Variants in MAN2A1 observed in about 807,000 individuals in gnomAD.
MAN2A1 encodes alpha-mannosidase 2.
A neutral mutation model predicts 142.6 loss-of-function variants in MAN2A1; 76 were observed. The ratio of observed to expected loss-of-function variants is 0.53; its 90% CI spans 0.44 to 0.65. The LOEUF (loss-of-function observed/expected upper bound fraction) is 0.65. Ranked by LOEUF, MAN2A1 falls within the 30% of genes least tolerant of loss-of-function variation. MAN2A1 has a pLI of 0.00. For synonymous variants in MAN2A1, 559 were observed against 473.2 expected, an observed-to-expected ratio of 1.18 and a Z score of -2.35; for missense variants, 1,311 against 1,365.1, an observed-to-expected ratio of 0.96 and a Z score of 0.62.
At position 109,755,404 on chromosome 5, in the gene MAN2A1, T is replaced by G; in HGVS notation, c.783T>G (p.Phe261Leu). ...CTGATGAAGCTACTCCACATTATTT[T>G]GCCTTAATTGATCAACTAATTGAAG... is the stretch of plus-strand genomic sequence containing the variant. The part of the protein sequence containing the change: ...VMPDEATPHY[F>L]ALIDQLIEGH... The change falls in exon 5 of 22, where the codon TTT (phenylalanine) becomes TTG (leucine). Residue 261 changes from phenylalanine (F) to leucine (L), a missense_variant. Coordinates refer to ENST00000261483, the MANE Select transcript of MAN2A1 (RefSeq NM_002372.4). 1 of 1,610,662 alleles carries G rather than the reference T, an allele frequency of 6.2e-7. No individual in the cohort carries two copies. The highest frequency in any genetic ancestry group is 8.5e-7 in the Non-Finnish European group (1 of 1,176,866).
intron 5 of MAN2A1, among the ~76,000 whole-genome samples, chr5:109,755,671 GTAT>G (rs1752669780): frequency 6.6e-6 from 1 of 151,684 alleles, no homozygotes; most frequent in African/African-American, 2.4e-5. Context: ...CTTGTTTAAT[GTAT>G]TATTTATCTA....
At chr5:109,712,567 G>T (rs1751331804) in intron 1 of MAN2A1, among the ~76,000 whole-genome samples, 1 of 151,312 alleles carries the variant, frequency 6.6e-6, no homozygotes, top group African/African-American at 2.4e-5. Flanking sequence ...TTATTTCCTG[G>T]TAATGAGTAT....
Position 109,708,509 on chromosome 5 carries a change from G to GACACACACACAGACACACACACACAC in MAN2A1, c.136-5000_136-4999insGACACACACACACACACACACACACA, listed in dbSNP as rs1554072323. Among the ~76,000 whole-genome samples, 2 of 124,544 alleles carry GACACACACACAGACACACACACACAC rather than the reference G, an allele frequency of 1.6e-5. 1 individual carries two copies. The highest frequency in any genetic ancestry group is 1.6e-4 in the Admixed American group (2 of 12,482). The allele number at this position is 124,544 out of a possible 152,430, so 81.7% of individuals were successfully genotyped here. A position where few individuals can be genotyped will look rare whatever the true frequency, so the allele number is the denominator to read the frequency against. On this transcript the variant is annotated intron_variant, in intron 1 of 21. Transcript: ENST00000261483. ...TTCTCCAGAAAGACAGAACTGATAG[G>GACACACACACAGACACACACACACAC]ACACACACACACACACACACACACA...
At chr5:109,860,731 A>G (rs1300610222) in intron 20 of MAN2A1, among the ~76,000 whole-genome samples, 1 of 152,230 alleles carries the variant, frequency 6.6e-6, no homozygotes, top group Non-Finnish European at 1.5e-5. Context: ...TCATGTGTGT[A>G]TAATTTTCAG....
At chr5:109,734,007 T>A (rs1022209570) in intron 4 of MAN2A1, among the ~76,000 whole-genome samples, 8 of 152,194 alleles carry the variant, frequency 5.3e-5, no homozygotes, top group African/African-American at 1.4e-4. Context: ...TCTTTTTGGT[T>A]GGTAAGCTAT....
At chr5:109,789,693 A>G (rs1753688676) in intron 12 of MAN2A1, among the ~76,000 whole-genome samples, 166 bp downstream of exon 12, 1 of 151,846 alleles carries the variant, frequency 6.6e-6, no homozygotes, top group Admixed American at 6.6e-5. Context: ...CTCAGTGCCA[A>G]TAGCTAACAC....
At chr5:109,760,025 T>C (rs1250420918) in intron 5 of MAN2A1, among the ~76,000 whole-genome samples, 2 of 152,082 alleles carry the variant, frequency 1.3e-5, no homozygotes, top group East Asian at 3.8e-4. Context: ...CTGGGATACA[T>C]GTGCAGAACA....
At chr5:109,760,804 GC>G (rs1383260386) in intron 5 of MAN2A1, among the ~76,000 whole-genome samples, 1 of 151,658 alleles carries the variant, frequency 6.6e-6, no homozygotes, top group Non-Finnish European at 1.5e-5. Flanking sequence ...CATATCTTTC[GC>G]CCACTTTTTG....
At chr5:109,799,920 T>C (rs1483878666) in intron 12 of MAN2A1, among the ~76,000 whole-genome samples, 1 of 151,852 alleles carries the variant, frequency 6.6e-6, no homozygotes, top group African/African-American at 2.4e-5. Context: ...AAACCCTACC[T>C]CTACAGAAAA....
At chr5:109,834,935 T>C (rs1755021029) in intron 16 of MAN2A1, among the ~76,000 whole-genome samples, 2 of 152,200 alleles carry the variant, frequency 1.3e-5, no homozygotes, top group South Asian at 4.1e-4. Context: ...GTGGGAATTA[T>C]TACCATTTTT....
chr5:109,813,864 A>G (rs1454308866), intron 12 of MAN2A1, among the ~76,000 whole-genome samples: 1 of 152,234 alleles, frequency 6.6e-6, no homozygotes, highest in Non-Finnish European at 1.5e-5. Context: ...CCAGTTTGAT[A>G]GGAGCATACA....
chr5:109,795,867 A>T (rs981021505), intron 12 of MAN2A1, among the ~76,000 whole-genome samples: 13 of 151,994 alleles, frequency 8.6e-5, no homozygotes, highest in African/African-American at 3.1e-4. Flanking sequence ...TCTTCATTTA[A>T]TTGACCAAGT....
At chr5:109,709,130 A>G (rs774671666) in intron 1 of MAN2A1, among the ~76,000 whole-genome samples, 2 of 151,438 alleles carry the variant, frequency 1.3e-5, no homozygotes, top group Non-Finnish European at 2.9e-5. Flanking sequence ...TTGAACCCCA[A>G]ATTAACCATC....
chr5:109,846,317 G>A (rs917066275), intron 18 of MAN2A1, among the ~76,000 whole-genome samples: 1 of 152,154 alleles, frequency 6.6e-6, no homozygotes, highest in Non-Finnish European at 1.5e-5. Flanking sequence ...ATGATTTAAC[G>A]GATGTGGAAA....
intron 19 of MAN2A1, among the ~76,000 whole-genome samples, chr5:109,852,144 CA>C (rs35901259): frequency 0.2 from 29,216 of 143,492 alleles, 3,564 homozygotes; most frequent in East Asian, 0.63. Flanking sequence ...GGCTTAAAAA[CA>C]AAAAAAAAAA....
chr5:109,782,235 A>G (rs1753478545), intron 9 of MAN2A1, among the ~76,000 whole-genome samples: 2 of 152,218 alleles, frequency 1.3e-5, no homozygotes, highest in Admixed American at 1.3e-4. Context: ...TCTGTAGAAG[A>G]CATAAAAACA....
chr5:109,784,446 T>G (rs1020692675), intron 9 of MAN2A1, among the ~76,000 whole-genome samples: 4 of 152,162 alleles, frequency 2.6e-5, no homozygotes, highest in African/African-American at 9.7e-5. Context: ...TTCACTGTGC[T>G]ATTCATAAAT....
chr5:109,757,656 C>T (rs1273324648), intron 5 of MAN2A1, among the ~76,000 whole-genome samples: 1 of 152,064 alleles, frequency 6.6e-6, no homozygotes, highest in Admixed American at 6.6e-5. Context: ...TTTTCAACAT[C>T]CCCCAAAGAA....
intron 5 of MAN2A1, among the ~76,000 whole-genome samples, chr5:109,765,759 G>A (rs897743202): frequency 6.6e-6 from 1 of 151,974 alleles, no homozygotes; most frequent in Non-Finnish European, 1.5e-5. Flanking sequence ...TATTCACTGG[G>A]TTATAATGCA....
Sources: allele counts gnomAD v4.1 joint callset (sites outside exome capture counted in the v4.1 genomes callset), GRCh38; gene constraint gnomAD v4.1.1; transcripts MANE v1.5; gene names NCBI Gene and HGNC (gene_info 2026-07-23, HGNC 2026-07-21).